The following ZFR variants were observed in gnomAD, a reference collection of about 807,000 sequenced individuals.
ZFR encodes the protein zinc finger RNA-binding protein.
A neutral mutation model predicts 130.7 loss-of-function variants in ZFR; 19 were observed. The ratio of observed to expected loss-of-function variants is 0.15; its 90% CI spans 0.10 to 0.21. ZFR has a LOEUF of 0.21. Ranked by LOEUF, ZFR falls within the 10% of genes least tolerant of loss-of-function variation. The probability of loss-of-function intolerance (pLI) is 1.00; values close to 1 mark genes in which losing one functional copy is unlikely to be tolerated. For synonymous variants in ZFR, 466 were observed against 456.9 expected, an observed-to-expected ratio of 1.02 and a Z score of -0.25; for missense variants, 872 against 1,321.5, an observed-to-expected ratio of 0.66 and a Z score of 5.27.
At chr5:32,369,504 A>G (rs1345890529) in intron 17 of ZFR, among the ~76,000 whole-genome samples, 2 of 152,126 alleles carry the variant, frequency 1.3e-5, no homozygotes, top group East Asian at 3.9e-4. Flanking sequence ...ACAAAACAAA[A>G]CAAAACAAAA....
At chr5:32,395,389 T>G in intron 10 of ZFR, 85 bp from the exon 11 acceptor site, 1 of 1,146,732 alleles carries the variant, frequency 8.7e-7, no homozygotes, top group Non-Finnish European at 1.1e-6. Flanking sequence ...CACTTATTCT[T>G]TAATCACGGA....
intron 17 of ZFR, among the ~76,000 whole-genome samples, chr5:32,378,404 TAAAAAAGATTAAA>T (rs1392293856): frequency 3.3e-5 from 5 of 152,084 alleles, no homozygotes; most frequent in Non-Finnish European, 5.9e-5. Context: ...ATGCTTTTGT[TAAAAAAGATTAAA>T]AAAAAAGAAC....
At position 32,439,210 on chromosome 5, in the gene ZFR, T is replaced by A. The variant is rs1047815846; in HGVS notation, c.137+5019A>T. Among the ~76,000 whole-genome samples the A allele has an allele frequency of 1.9e-4, 29 of 152,314 alleles. 1 individual carries two copies. Among genetic ancestry groups the A allele is most frequent in the Admixed American group, 1.1e-3 (17 of 15,302 alleles). On this transcript the variant is annotated intron_variant, in intron 2 of 19. Transcript: ENST00000265069. ...GGTCTCTGATTCAACAATGGAAGGA[T>A]TGATGTTATTAGTCGTTGCAATATT...
In ZFR at chr5:32,388,641, A is replaced by G; in HGVS notation, c.2176T>C (p.Tyr726His). ...LRRPDSSDDR[Y>H]VMTKHATIYP... Reference sequence around the variant, plus strand: ...ATGGTGGCATGTTTTGTCATTACATAACGGTCATCAGATGAGTCAGGACGA... The same window carrying G: ...ATGGTGGCATGTTTTGTCATTACATGACGGTCATCAGATGAGTCAGGACGA... Residue 726 changes from tyrosine (Y) to histidine (H), a missense_variant, in exon 13 of 20, where the codon TAT (tyrosine) becomes CAT (histidine). By Grantham distance (83) the Tyr-to-His change is moderately conservative. Transcript: ENST00000265069. The G allele has an allele frequency of 6.2e-7, 1 of 1,614,072 alleles. No individual in the cohort carries two copies. The highest frequency in any genetic ancestry group is 1.1e-5 in the South Asian group (1 of 91,076).
intron 16 of ZFR, 172 bp downstream of exon 16, chr5:32,379,903 G>A: frequency 2.0e-6 from 1 of 511,234 alleles, no homozygotes; most frequent in South Asian, 3.7e-5. Context: ...AATAATAACT[G>A]CAATATGCAG....
chr5:32,385,067 T>C (rs1753015764), intron 15 of ZFR, among the ~76,000 whole-genome samples: 1 of 152,094 alleles, frequency 6.6e-6, no homozygotes, highest in Admixed American at 6.5e-5. Flanking sequence ...CTTAAAAATG[T>C]GTTACGAATA....
chr5:32,368,531 T>C (rs1313524697), intron 17 of ZFR, among the ~76,000 whole-genome samples: 3 of 152,204 alleles, frequency 2.0e-5, no homozygotes, highest in African/African-American at 7.2e-5. Context: ...CCATTGCACC[T>C]GGCCACAAAT....
chr5:32,412,878 T>C (rs558783903), intron 5 of ZFR, among the ~76,000 whole-genome samples: 4 of 152,304 alleles, frequency 2.6e-5, no homozygotes, highest in Non-Finnish European at 4.4e-5. Flanking sequence ...TTTTTTCCAC[T>C]TTTCTGGAGA....
At position 32,385,877 on chromosome 5, in the gene ZFR, A is replaced by G. The variant is rs544478692; in HGVS notation, c.2500-228T>C. Reference sequence around the variant, plus strand: ...AATATTTACCATTGTTTGTATTGTGAGTTATTTGTACATAGGTCTATCTCT... The same window carrying G: ...AATATTTACCATTGTTTGTATTGTGGGTTATTTGTACATAGGTCTATCTCT... On this transcript the variant is annotated intron_variant, in intron 14 of 19. Transcript: ENST00000265069. 3.4e-4 allele frequency among the ~76,000 whole-genome samples: 52 copies of G among 152,190 alleles called. 1 individual carries two copies. Among genetic ancestry groups the G allele is most frequent in the African/African-American group, 1.2e-3 (50 of 41,554 alleles).
At chr5:32,399,890 A>T in intron 9 of ZFR, 117 bp downstream of exon 9, 2 of 940,960 alleles carry the variant, frequency 2.1e-6, no homozygotes, top group Non-Finnish European at 3.0e-6. Flanking sequence ...AATATTCTTT[A>T]AGTAAGCTAA....
intron 8 of ZFR, among the ~76,000 whole-genome samples, chr5:32,401,134 C>T (rs1581698368): frequency 6.6e-6 from 1 of 152,270 alleles, no homozygotes; most frequent in East Asian, 1.9e-4. Context: ...CTTAACACTT[C>T]AACTAACTGT....
At chr5:32,397,681 C>T (rs1328400551) in intron 9 of ZFR, among the ~76,000 whole-genome samples, 2 of 151,994 alleles carry the variant, frequency 1.3e-5, no homozygotes, top group Non-Finnish European at 2.9e-5. Flanking sequence ...AGGCTGGTCT[C>T]AAACTCCTTG....
chr5:32,437,421 C>A (rs1034576251), intron 2 of ZFR, among the ~76,000 whole-genome samples: 2 of 151,750 alleles, frequency 1.3e-5, no homozygotes, highest in Admixed American at 6.6e-5. Flanking sequence ...CAAAAAAAAA[C>A]CCAAAGTTTA....
intron 8 of ZFR, among the ~76,000 whole-genome samples, chr5:32,402,626 A>C (rs1387991773): frequency 3.3e-5 from 5 of 151,540 alleles, no homozygotes; most frequent in African/African-American, 4.9e-5. Flanking sequence ...AAAAAAAAAA[A>C]AACTGGCTGT....
intron 2 of ZFR, among the ~76,000 whole-genome samples, chr5:32,429,677 G>A (rs184538387): frequency 2.4e-4 from 37 of 152,268 alleles, no homozygotes; most frequent in Non-Finnish European, 1.0e-4. Flanking sequence ...CTTAACCTCT[G>A]TAACTCAAGG....
intron 17 of ZFR, among the ~76,000 whole-genome samples, chr5:32,375,393 G>A (rs974618587): frequency 2.6e-5 from 4 of 152,134 alleles, no homozygotes; most frequent in South Asian, 2.1e-4. Context: ...AATCAGTAAC[G>A]TATCATACAT....
intron 5 of ZFR, among the ~76,000 whole-genome samples, chr5:32,409,280 C>T (rs927195102): frequency 1.2e-4 from 19 of 152,050 alleles, no homozygotes; most frequent in African/African-American, 4.6e-4. Flanking sequence ...AAGTAAAATC[C>T]ACAGCTTTCA....
intron 2 of ZFR, among the ~76,000 whole-genome samples, chr5:32,430,669 A>G (rs1453238675): frequency 6.6e-6 from 1 of 152,214 alleles, no homozygotes; most frequent in African/African-American, 2.4e-5. Flanking sequence ...AACATGAAAG[A>G]TAAAGAAAAA....
chr5:32,355,580 T>C lies in ZFR; in HGVS notation c.*180A>G. 1 of 450,938 alleles carries C rather than the reference T, an allele frequency of 2.2e-6. No homozygotes were observed. The highest frequency in any genetic ancestry group is 3.6e-6 in the Non-Finnish European group (1 of 275,566). The allele number at this position is 450,938 out of a possible 1,614,324, so 27.9% of individuals were successfully genotyped here. On this transcript the variant is annotated 3_prime_UTR_variant, in exon 20 of 20. Transcript: ENST00000265069. ...GTCGGAGCACATTTTTTTTTTTGGG[T>C]GTCTTTCCATTCAAATAATACCTAA...
Sources: gnomAD v4.1 joint callset for allele counts (sites outside exome capture counted in the v4.1 genomes callset) on GRCh38, gnomAD v4.1.1 for gene constraint, MANE v1.5 for transcripts, NCBI Gene and HGNC (gene_info 2026-07-23, HGNC 2026-07-21) for gene names.